UNC5C: variants seen among roughly 807,000 people sequenced by gnomAD.
The protein encoded by UNC5C is netrin receptor UNC5C.
A neutral mutation model predicts 99.8 loss-of-function variants in UNC5C; 47 were observed. The observed-to-expected ratio is 0.47, with a 90% CI of 0.37 to 0.60. The LOEUF (loss-of-function observed/expected upper bound fraction) is 0.60. Ranked by LOEUF, UNC5C falls within the 20% of genes least tolerant of loss-of-function variation. The pLI is 0.00. For missense variants in UNC5C, 1,062 were observed against 1,165.9 expected (o/e 0.91, Z 1.30); for synonymous variants, 487 against 452.2 (o/e 1.08, Z -0.98).
chr4:95,479,512 T>C (rs962134676), intron 1 of UNC5C, among the ~76,000 whole-genome samples: 4 of 151,954 alleles, frequency 2.6e-5, no homozygotes, highest in African/African-American at 9.7e-5. Context: ...GTAGACAGTT[T>C]ATTCCTCTCA....
At chr4:95,419,668 T>C (rs958099447) in intron 1 of UNC5C, among the ~76,000 whole-genome samples, 2 of 152,178 alleles carry the variant, frequency 1.3e-5, no homozygotes, top group African/African-American at 4.8e-5. Flanking sequence ...TGCAGTAATA[T>C]AGTAATGCAG....
intron 10 of UNC5C, 150 bp from the exon 11 acceptor site, chr4:95,206,946 T>C (rs543022322): frequency 3.2e-6 from 2 of 631,094 alleles, no homozygotes; most frequent in African/African-American, 4.0e-5. Flanking sequence ...AGGAAATAGG[T>C]GATACAGAAT....
intron 3 of UNC5C, among the ~76,000 whole-genome samples, chr4:95,282,614 G>A (rs1185433438): frequency 6.6e-6 from 1 of 152,176 alleles, no homozygotes; most frequent in Non-Finnish European, 1.5e-5. Context: ...AGTCTGGACA[G>A]CCATGTAGAA....
chr4:95,507,881 C>T (rs1721968048), intron 1 of UNC5C, among the ~76,000 whole-genome samples: 1 of 152,058 alleles, frequency 6.6e-6, no homozygotes, highest in South Asian at 2.1e-4. Context: ...AAAACGCATA[C>T]AGGGAACTCC....
intron 1 of UNC5C, among the ~76,000 whole-genome samples, chr4:95,537,386 A>T (rs1424359620): frequency 6.6e-6 from 1 of 152,124 alleles, no homozygotes; most frequent in Non-Finnish European, 1.5e-5. Context: ...GTCGGCGTGG[A>T]GGTTCTCGTA....
chr4:95,513,646 C>T (rs887874267), intron 1 of UNC5C, among the ~76,000 whole-genome samples: 1 of 152,030 alleles, frequency 6.6e-6, no homozygotes, highest in African/African-American at 2.4e-5. Context: ...AATATATAGA[C>T]ATACATAGAT....
intron 1 of UNC5C, among the ~76,000 whole-genome samples, chr4:95,441,679 T>G (rs1275500387): frequency 6.6e-6 from 1 of 152,202 alleles, no homozygotes; most frequent in Non-Finnish European, 1.5e-5. Flanking sequence ...ATATATGTAA[T>G]GTAACTAATT....
chr4:95,376,957 T>G (rs1354229227), intron 1 of UNC5C, among the ~76,000 whole-genome samples: 1 of 152,202 alleles, frequency 6.6e-6, no homozygotes, highest in Non-Finnish European at 1.5e-5. Context: ...TGCTGTTGTT[T>G]TAAGCCAGCG....
intron 1 of UNC5C, among the ~76,000 whole-genome samples, chr4:95,479,965 C>G (rs1485239292): frequency 1.3e-5 from 2 of 151,688 alleles, no homozygotes; most frequent in African/African-American, 2.4e-5. Flanking sequence ...AATTCTGTCT[C>G]TTTCCTGGAA....
chr4:95,460,185 T>A (rs1330901279), intron 1 of UNC5C, among the ~76,000 whole-genome samples: 2 of 144,092 alleles, frequency 1.4e-5, no homozygotes, highest in African/African-American at 2.6e-5. Flanking sequence ...TGGATGGAAC[T>A]GTCCATGTGG....
chr4:95,469,114 G>T (rs936151095), intron 1 of UNC5C, among the ~76,000 whole-genome samples: 7 of 152,066 alleles, frequency 4.6e-5, no homozygotes, highest in African/African-American at 9.7e-5. Flanking sequence ...TCCCTTAATT[G>T]CTGGAGCTCA....
intron 3 of UNC5C, among the ~76,000 whole-genome samples, chr4:95,299,017 A>G (rs1741773156): frequency 6.6e-6 from 1 of 152,210 alleles, no homozygotes; most frequent in South Asian, 2.1e-4. Context: ...GGATATGTAA[A>G]CCACAAAATG....
chr4:95,318,952 C>T (rs752995692), intron 2 of UNC5C, among the ~76,000 whole-genome samples: 1 of 152,150 alleles, frequency 6.6e-6, no homozygotes, highest in African/African-American at 2.4e-5. Context: ...GTAAAGCATA[C>T]TCGTTTTCCC....
At chr4:95,438,204 A>C (rs570415402) in intron 1 of UNC5C, among the ~76,000 whole-genome samples, 1 of 152,166 alleles carries the variant, frequency 6.6e-6, no homozygotes, top group African/African-American at 2.4e-5. Flanking sequence ...GATATTTCTC[A>C]GAAAGATGGT....
intron 2 of UNC5C, 113 bp from the exon 3 acceptor site, chr4:95,301,862 A>G: frequency 7.7e-7 from 1 of 1,302,662 alleles, no homozygotes; most frequent in Non-Finnish European, 1.0e-6. Context: ...TAGATCAACA[A>G]CCCAGATATT....
chr4:95,201,770 A>AT (rs369044014), intron 12 of UNC5C, among the ~76,000 whole-genome samples: 8 of 151,792 alleles, frequency 5.3e-5, no homozygotes, highest in Non-Finnish European at 8.8e-5. Flanking sequence ...TGCCCGGCTA[A>AT]TTTTTTTGTA....
chr4:95,181,759 C>T (rs1484505291), intron 14 of UNC5C, among the ~76,000 whole-genome samples: 1 of 152,108 alleles, frequency 6.6e-6, no homozygotes, highest in Non-Finnish European at 1.5e-5. Flanking sequence ...CGCACCTCGG[C>T]AGGCTGTGGG....
At chr4:95,383,409 C>A (rs6419133) in intron 1 of UNC5C, among the ~76,000 whole-genome samples, 86,603 of 151,474 alleles carry the variant, frequency 0.57, 25,069 homozygotes, top group East Asian at 0.7. Context: ...TAAACACATA[C>A]GATATACTGG....
At chr4:95,315,234 T>G (rs1742429922) in intron 2 of UNC5C, among the ~76,000 whole-genome samples, 1 of 152,150 alleles carries the variant, frequency 6.6e-6, no homozygotes. Context: ...TAAGCTGCTG[T>G]AACATTTAGA....
Sources: gnomAD v4.1 joint callset for allele counts (sites outside exome capture counted in the v4.1 genomes callset) on GRCh38, gnomAD v4.1.1 for gene constraint, MANE v1.5 for transcripts, NCBI Gene and HGNC (gene_info 2026-07-23, HGNC 2026-07-21) for gene names.